Variants in NLRC5 observed in about 807,000 individuals in gnomAD.
NLRC5 encodes protein NLRC5.
NLRC5 carries 114 observed loss-of-function variants against 206.9 expected under a neutral mutation model. The observed-to-expected ratio is 0.55, with a 90% CI of 0.47 to 0.64. The LOEUF (loss-of-function observed/expected upper bound fraction) is 0.64, where lower values mean the gene tolerates loss of function less well. Among genes scored for constraint, NLRC5 ranks in the 30% least tolerant of loss-of-function variants. NLRC5 has a pLI of 0.00. For missense variants in NLRC5, 2,008 were observed against 2,305.5 expected, an observed-to-expected ratio of 0.87 and a Z score of 2.64; for synonymous variants, 952 against 962.8, an observed-to-expected ratio of 0.99 and a Z score of 0.21.
rs1457345335 is a variant in NLRC5, at chr16:57,033,587, T to A, written c.2478-17T>A. 1 of 1,613,718 alleles carries A rather than the reference T, an allele frequency of 6.2e-7. No individual in the cohort carries two copies. Among genetic ancestry groups the A allele is most frequent in the East Asian group, 2.2e-5 (1 of 44,860 alleles). ...AGATGCCTGAGCCCAGGCCAATGCT[T>A]GATTTGTTCTTGCCAGAGCTCCAGA... On this transcript the variant is annotated splice_polypyrimidine_tract_variant and intron_variant, in intron 11 of 48. Coordinates refer to ENST00000688547, the MANE Select transcript of NLRC5 (RefSeq NM_001384950.1).
intron 11 of NLRC5, among the ~76,000 whole-genome samples, chr16:57,033,383 C>T (rs1489734698): frequency 6.6e-6 from 1 of 152,234 alleles, no homozygotes; most frequent in South Asian, 2.1e-4. Flanking sequence ...CTATACATGG[C>T]AGAGCCAAAA....
chr16:57,028,427 C>A, intron 8 of NLRC5, 42 bp downstream of exon 8: 1 of 1,510,112 alleles, frequency 6.6e-7, no homozygotes, highest in Non-Finnish European at 9.2e-7. Flanking sequence ...GGGAGATGAG[C>A]CACTGCCCAG....
At chr16:57,030,811 C>A (rs2061791215) in intron 10 of NLRC5, among the ~76,000 whole-genome samples, 1 of 152,184 alleles carries the variant, frequency 6.6e-6, no homozygotes, top group Non-Finnish European at 1.5e-5. Flanking sequence ...ATAAAAATTT[C>A]TATTAAAAAA....
chr16:57,077,747 G>A lies in NLRC5; in HGVS notation c.4948G>A (p.Gly1650Arg), dbSNP rs755149068. ...CTCAGGGAATAGCATCAGCTCAGCC[G>A]GGGGAGTGCAGTTGGCAGAGTCTCT... The part of the protein sequence containing the change: ...DLSGNSISSA[G>R]GVQLAESLVL... Residue 1650 changes from glycine to arginine, a missense_variant, in exon 42 of 49, where the codon GGG (glycine) becomes AGG (arginine). By Grantham distance (125) the Gly-to-Arg change is moderately radical. Transcript: ENST00000688547. The A allele has an allele frequency of 9.4e-6, 15 of 1,601,798 alleles. No homozygotes were observed. The highest frequency in any genetic ancestry group is 2.2e-5 in the East Asian group (1 of 44,666).
chr16:57,039,106 G>A lies in NLRC5; in HGVS notation c.2802-675G>A, dbSNP rs139619303. ...CCATGTTTGTAAAACAAAAATTATT[G>A]CACTAGAAAATGGAAGGTTTGAAGG... is the stretch of plus-strand genomic sequence containing the variant. On this transcript the variant is annotated intron_variant, in intron 15 of 48. Transcript: ENST00000688547. Among the ~76,000 whole-genome samples the A allele has an allele frequency of 2.5e-4, 38 of 152,234 alleles. No individual in the cohort carries two copies. The East Asian group carries it at 6.9e-3, about 28-fold the overall frequency.
chr16:57,072,321 G>A (rs2067884401), intron 38 of NLRC5, among the ~76,000 whole-genome samples: 1 of 152,172 alleles, frequency 6.6e-6, no homozygotes, highest in Admixed American at 6.5e-5. Flanking sequence ...ACTAGCTTGA[G>A]TCACCTGCCC....
intron 1 of NLRC5, among the ~76,000 whole-genome samples, chr16:56,995,338 G>A (rs1054642716): frequency 6.6e-6 from 1 of 152,202 alleles, no homozygotes; most frequent in Non-Finnish European, 1.5e-5. Context: ...TCTGTCTCAA[G>A]AAAGGAAGGG....
At position 57,067,420 on chromosome 16, in the gene NLRC5, C is replaced by T. The variant is rs1164845033; in HGVS notation, c.4356C>T (p.Ser1452=). 1.3e-5 allele frequency: 21 copies of T among 1,614,132 alleles called. No individual in the cohort carries two copies. Among genetic ancestry groups the T allele is most frequent in the Non-Finnish European group, 1.7e-5 (20 of 1,180,050 alleles). The stretch of plus-strand genomic sequence containing the variant: ...ACTGTGACCTTGGAGCCCACCACAG[C>T]CTTCTTGTCGGGCAGCTGATGGAGA... The part of the protein sequence containing the change: ...LAHCDLGAHH[S]LLVGQLMETC... Residue 1452 remains serine, a synonymous_variant, in exon 35 of 49, where the codon AGC becomes AGT. Transcript: ENST00000688547.
At chr16:57,028,515 G>A (rs2061476443) in intron 8 of NLRC5, 130 bp downstream of exon 8, 1 of 718,918 alleles carries the variant, frequency 1.4e-6, no homozygotes, top group South Asian at 1.7e-5. Context: ...GAGAGGGAAG[G>A]CATCAGTCCA....
intron 36 of NLRC5, 91 bp from the exon 37 acceptor site, chr16:57,069,744 AC>A: frequency 1.0e-6 from 1 of 985,100 alleles, no homozygotes; most frequent in Non-Finnish European, 1.6e-6. Context: ...CCACATCCCT[AC>A]CCCACATCCT....
intron 1 of NLRC5, among the ~76,000 whole-genome samples, chr16:57,000,318 G>A (rs1597079616): frequency 6.6e-6 from 1 of 152,168 alleles, no homozygotes; most frequent in East Asian, 1.9e-4. Flanking sequence ...GGGGGCTCTT[G>A]GTGGAAAGTT....
At chr16:56,991,073 C>T (rs1267055271) in intron 1 of NLRC5, 1 of 152,174 alleles carries the variant, frequency 6.6e-6, no homozygotes, top group African/African-American at 2.4e-5. Context: ...TGAACATATG[C>T]AAATCTATCC....
At chr16:57,018,596 G>A (rs1024312615) in intron 2 of NLRC5, among the ~76,000 whole-genome samples, 2 of 152,214 alleles carry the variant, frequency 1.3e-5, no homozygotes, top group African/African-American at 4.8e-5. Flanking sequence ...CCAGGGAGCA[G>A]CTGGGCTCTA....
Position 57,037,298 on chromosome 16 carries a change from C to G in NLRC5, c.2801+14C>G. The G allele has an allele frequency of 1.2e-6, 2 of 1,604,088 alleles. No individual in the cohort carries two copies. Among genetic ancestry groups the G allele is most frequent in the Non-Finnish European group, 1.7e-6 (2 of 1,176,356 alleles). On this transcript the variant is annotated intron_variant, in intron 15 of 48. Coordinates refer to ENST00000688547, the MANE Select transcript of NLRC5 (RefSeq NM_001384950.1). ...GCTGCACATCAGGTGGGAGCTCCCT[C>G]AGACCACGGTACCCATCCCCCCCCC...
intron 1 of NLRC5, among the ~76,000 whole-genome samples, chr16:57,006,024 G>T (rs2058858001): frequency 1.3e-5 from 2 of 151,392 alleles, no homozygotes; most frequent in South Asian, 4.2e-4. Flanking sequence ...TTGAGACAGG[G>T]TCTCACTCTG....
chr16:57,047,587 C>A lies in NLRC5; in HGVS notation c.3381C>A (p.Leu1127=), dbSNP rs1264125063. ...TGGAGCCCCCAAGCCTCACCCGCCT[C>A]TGTGCCACTCTGAAGGACTGCCCGG... ...CPLEPPSLTR[L]CATLKDCPGP... The change falls in exon 23 of 49, where the codon CTC becomes CTA. Residue 1127 remains leucine, a synonymous_variant. Coordinates refer to ENST00000688547, the MANE Select transcript of NLRC5 (RefSeq NM_001384950.1). 1 of 1,613,712 alleles carries A rather than the reference C, an allele frequency of 6.2e-7. No homozygotes were observed. The highest frequency in any genetic ancestry group is 2.2e-5 in the East Asian group (1 of 44,884).
At chr16:57,042,492 G>A (rs35885237) in intron 19 of NLRC5, among the ~76,000 whole-genome samples, 29,711 of 152,076 alleles carry the variant, frequency 0.2, 3,617 homozygotes, top group Middle Eastern at 0.27. Flanking sequence ...GCCCAGGGCT[G>A]CCAAGGATCC....
chr16:57,038,316 T>A (rs2062856422), intron 15 of NLRC5, among the ~76,000 whole-genome samples: 1 of 152,152 alleles, frequency 6.6e-6, no homozygotes, highest in Non-Finnish European at 1.5e-5. Flanking sequence ...TGGAGTACAG[T>A]GACACAATCA....
rs780749386 is a variant in NLRC5 at position 57,079,678 on chromosome 16, G to A, written c.5321+49G>A. 2.0e-5 allele frequency: 31 copies of A among 1,551,946 alleles called. No individual in the cohort carries two copies. The South Asian group carries it at 3.1e-4, about 16-fold the overall frequency. On this transcript the variant is annotated intron_variant, in intron 46 of 48. Coordinates refer to ENST00000688547, the MANE Select transcript of NLRC5 (RefSeq NM_001384950.1). ...GCTGGCTGGGAAAAGGAAAAGTCGG[G>A]AGGGGTCGGGGGAGTTGGCTCCAGC...
Sources: allele counts gnomAD v4.1 joint callset (sites outside exome capture counted in the v4.1 genomes callset), GRCh38; gene constraint gnomAD v4.1.1; transcripts MANE v1.5; gene names NCBI Gene and HGNC (gene_info 2026-07-23, HGNC 2026-07-21).